The following RNF150 variants were observed in gnomAD, a reference collection of about 807,000 sequenced individuals.
RNF150 encodes ring finger protein 150.
Under a neutral mutation model 39.3 loss-of-function variants are expected in RNF150, and 24 were observed. The ratio of observed to expected loss-of-function variants is 0.61; its 90% CI spans 0.44 to 0.86. The LOEUF is 0.86. Ranked by LOEUF, RNF150 falls within the 40% of genes least tolerant of loss-of-function variation. The pLI, the probability that RNF150 is intolerant of heterozygous loss-of-function variation, is 0.00. For synonymous variants in RNF150, 255 were observed against 227.3 expected, an observed-to-expected ratio of 1.12 and a Z score of -1.10; for missense variants, 502 against 587.8, an observed-to-expected ratio of 0.85 and a Z score of 1.51.
chr4:141,158,536 C>A (rs959563527), intron 1 of RNF150, among the ~76,000 whole-genome samples: 4 of 151,640 alleles, frequency 2.6e-5, no homozygotes, highest in African/African-American at 9.7e-5. Context: ...ATAACATTTA[C>A]TGATTTCCCA....
chr4:140,947,956 C>A (rs1732389800), intron 3 of RNF150, among the ~76,000 whole-genome samples: 2 of 152,114 alleles, frequency 1.3e-5, no homozygotes, highest in Admixed American at 6.6e-5. Flanking sequence ...TAAGGAAAAC[C>A]ATTTTCTAAA....
At chr4:141,091,914 T>C (rs936473127) in intron 1 of RNF150, among the ~76,000 whole-genome samples, 2 of 151,702 alleles carry the variant, frequency 1.3e-5, no homozygotes, top group African/African-American at 4.9e-5. Context: ...TATACACATA[T>C]ATGGTGCCAA....
intron 1 of RNF150, among the ~76,000 whole-genome samples, chr4:141,162,738 G>T (rs1417698813): frequency 1.3e-5 from 2 of 152,242 alleles, no homozygotes; most frequent in African/African-American, 4.8e-5. Flanking sequence ...GGAAAAGCAT[G>T]AGGGACTGTG....
At chr4:141,050,696 A>G (rs1736743225) in intron 1 of RNF150, among the ~76,000 whole-genome samples, 1 of 152,168 alleles carries the variant, frequency 6.6e-6, no homozygotes, top group African/African-American at 2.4e-5. Context: ...GTGGGTTCCC[A>G]TGGTCTTGGG....
chr4:141,050,622 T>A, intron 1 of RNF150, among the ~76,000 whole-genome samples: 1 of 152,198 alleles, frequency 6.6e-6, no homozygotes, highest in South Asian at 2.1e-4. Context: ...CAGTTGAATC[T>A]TAAAGCTCCA....
intron 4 of RNF150, among the ~76,000 whole-genome samples, chr4:140,936,205 T>C (rs1731858448): frequency 6.6e-6 from 1 of 152,240 alleles, no homozygotes; most frequent in Non-Finnish European, 1.5e-5. Context: ...TGTACTGTCC[T>C]CATTTTTTGG....
At chr4:141,151,374 C>T (rs920924236) in intron 1 of RNF150, among the ~76,000 whole-genome samples, 1 of 150,098 alleles carries the variant, frequency 6.7e-6, no homozygotes, top group Non-Finnish European at 1.5e-5. Flanking sequence ...AGTTTGAGAC[C>T]AGCCTGGGCA....
intron 1 of RNF150, among the ~76,000 whole-genome samples, chr4:141,144,938 TA>T (rs1727176321): frequency 6.6e-6 from 1 of 152,210 alleles, no homozygotes; most frequent in Non-Finnish European, 1.5e-5. Flanking sequence ...TTAAATTTGA[TA>T]ATAAAATATT....
chr4:140,922,112 T>G (rs1322648277), intron 5 of RNF150, among the ~76,000 whole-genome samples: 1 of 151,986 alleles, frequency 6.6e-6, no homozygotes, highest in East Asian at 1.9e-4. Context: ...TTGGAAGTTC[T>G]GGCCAGGGCA....
intron 4 of RNF150, among the ~76,000 whole-genome samples, chr4:140,940,460 T>C (rs1026429103): frequency 6.6e-6 from 1 of 152,090 alleles, no homozygotes; most frequent in Non-Finnish European, 1.5e-5. Flanking sequence ...TTATGGCACA[T>C]GGGATATTAT....
chr4:141,135,133 A>C (rs1727009018), upstream of RNF150, among the ~76,000 whole-genome samples: 1 of 152,250 alleles, frequency 6.6e-6, no homozygotes, highest in Admixed American at 6.5e-5. Flanking sequence ...TGGAGAAGGA[A>C]TTTACAAATA....
intron 1 of RNF150, among the ~76,000 whole-genome samples, chr4:141,197,460 T>C (rs1728219389): frequency 6.6e-6 from 1 of 152,220 alleles, no homozygotes; most frequent in African/African-American, 2.4e-5. Context: ...TATTGTATTT[T>C]AAGATAAACC....
rs772915627 is a variant in RNF150, at chr4:140,926,093, T to C, written c.891-20A>G. The C allele has an allele frequency of 6.4e-7, 1 of 1,565,180 alleles. No individual in the cohort carries two copies. Among genetic ancestry groups the C allele is most frequent in the East Asian group, 2.2e-5 (1 of 44,624 alleles). Reference sequence around the variant, plus strand: ...AGATGCCTGCAATGAGAACCATACATCTTAGAGCGGCGGTAACTGCAGAGA... The same window carrying C: ...AGATGCCTGCAATGAGAACCATACACCTTAGAGCGGCGGTAACTGCAGAGA... On this transcript the variant is annotated intron_variant, in intron 4 of 6. Transcript: ENST00000515673.
chr4:140,935,141 A>G (rs1731815081), intron 4 of RNF150, among the ~76,000 whole-genome samples: 1 of 144,992 alleles, frequency 6.9e-6, no homozygotes, highest in South Asian at 2.1e-4. Flanking sequence ...TATTCCACAC[A>G]GCTCTGCATT....
intron 1 of RNF150, among the ~76,000 whole-genome samples, chr4:141,083,884 T>G (rs1378621803): frequency 6.6e-6 from 1 of 152,182 alleles, no homozygotes; most frequent in Non-Finnish European, 1.5e-5. Flanking sequence ...GAATAAAGAT[T>G]AAAATTATGC....
chr4:140,912,686 T>C (rs1379007567), intron 5 of RNF150, among the ~76,000 whole-genome samples: 1 of 152,218 alleles, frequency 6.6e-6, no homozygotes, highest in African/African-American at 2.4e-5. Flanking sequence ...TACCATTCCA[T>C]AAACACATCA....
intron 1 of RNF150, among the ~76,000 whole-genome samples, chr4:141,017,261 G>C (rs1043999624): frequency 1.3e-5 from 2 of 152,030 alleles, no homozygotes; most frequent in Admixed American, 1.3e-4. Context: ...TCTGTGAAAG[G>C]TACCACTATT....
At chr4:140,876,495 G>C (rs1265557426) in intron 6 of RNF150, among the ~76,000 whole-genome samples, 1 of 152,234 alleles carries the variant, frequency 6.6e-6, no homozygotes, top group African/African-American at 2.4e-5. Flanking sequence ...AGTGGCCTCT[G>C]ATGTGAGAAT....
chr4:141,151,949 T>G (rs182942181), intron 1 of RNF150, among the ~76,000 whole-genome samples: 3 of 152,238 alleles, frequency 2.0e-5, no homozygotes, highest in African/African-American at 7.2e-5. Flanking sequence ...ATTTAATTTT[T>G]GGAAAAATTC....
Sources: gnomAD v4.1 joint callset for allele counts (sites outside exome capture counted in the v4.1 genomes callset) on GRCh38, gnomAD v4.1.1 for gene constraint, MANE v1.5 for transcripts, NCBI Gene and HGNC (gene_info 2026-07-23, HGNC 2026-07-21) for gene names.